The following ST6GALNAC3 variants were observed in gnomAD, a reference collection of about 807,000 sequenced individuals.
The protein encoded by ST6GALNAC3 is ST6 N-acetylgalactosaminide alpha-2,6-sialyltransferase 3, also known as alpha-N-acetylgalactosaminide alpha-2,6-sialyltransferase 3.
Under a neutral mutation model 32.7 loss-of-function variants are expected in ST6GALNAC3, and 25 were observed. That is an observed-to-expected ratio of 0.76 (90% CI 0.56 to 1.07). ST6GALNAC3 has a LOEUF of 1.07. ST6GALNAC3 is among the 50% of genes least tolerant of loss of function. The pLI, the probability that ST6GALNAC3 is intolerant of heterozygous loss-of-function variation, is 0.00. For missense variants in ST6GALNAC3, 355 were observed against 382.4 expected (o/e 0.93, Z 0.60); for synonymous variants, 129 against 133.1 (o/e 0.97, Z 0.21).
chr1:76,362,821 G>A (rs1020464727), intron 2 of ST6GALNAC3, among the ~76,000 whole-genome samples: 1 of 152,208 alleles, frequency 6.6e-6, no homozygotes, highest in African/African-American at 2.4e-5. Context: ...GCTTTGCAGG[G>A]TTCAGCCCCC....
In ST6GALNAC3 at chr1:76,105,012, G is replaced by A. The variant is rs1425815570; in HGVS notation, c.18+30128G>A. Among the ~76,000 whole-genome samples, 2 of 152,150 alleles carry A rather than the reference G, an allele frequency of 1.3e-5. 1 individual carries two copies. The highest frequency in any genetic ancestry group is 3.8e-4 in the East Asian group (2 of 5,200). ...ACGTGGGAATTCAAGATGAGATTTG[G>A]TGGGGAAACAGCCAAATCATATCAA... On this transcript the variant is annotated intron_variant, in intron 1 of 4. Coordinates refer to ENST00000328299, the MANE Select transcript of ST6GALNAC3 (RefSeq NM_152996.4).
chr1:76,451,160 A>T (rs1052596694), intron 3 of ST6GALNAC3, among the ~76,000 whole-genome samples: 4 of 152,136 alleles, frequency 2.6e-5, no homozygotes, highest in Non-Finnish European at 5.9e-5. Context: ...TTTTCACAAT[A>T]TTGATTCTAC....
At chr1:76,207,690 C>T (rs558734183) in intron 1 of ST6GALNAC3, among the ~76,000 whole-genome samples, 12 of 152,252 alleles carry the variant, frequency 7.9e-5, no homozygotes, top group East Asian at 1.9e-4. Flanking sequence ...TTAAAGGCCC[C>T]GTTACTTAAT....
In ST6GALNAC3 at chr1:76,628,983, A is replaced by C. The variant is rs903545673; in HGVS notation, c.*177A>C. ...GCTAGTAATTTAAACTTGGCATTTC[A>C]TGGAGGATGGTTGTGCTCATGATGT... On this transcript the variant is annotated 3_prime_UTR_variant, in exon 5 of 5. Transcript: ENST00000328299. The C allele has an allele frequency of 2.8e-6, 4 of 1,407,806 alleles. No homozygotes were observed. In the African/African-American group the frequency reaches 5.9e-5, roughly 21 times the overall value. 87.2% of individuals were successfully genotyped at this position (1,407,806 alleles called of 1,614,324 possible). A position where few individuals can be genotyped will look rare whatever the true frequency, so the allele number is the denominator to read the frequency against.
At chr1:76,248,068 C>T (rs1657408954) in intron 1 of ST6GALNAC3, among the ~76,000 whole-genome samples, 2 of 152,058 alleles carry the variant, frequency 1.3e-5, no homozygotes, top group Non-Finnish European at 2.9e-5. Context: ...CGAGGGAGGT[C>T]CTCTGGCTCC....
intron 1 of ST6GALNAC3, among the ~76,000 whole-genome samples, chr1:76,298,331 C>A (rs999521987): frequency 6.6e-5 from 10 of 151,938 alleles, no homozygotes; most frequent in Admixed American, 2.0e-4. Flanking sequence ...GAACAAGAAT[C>A]CTTACGATTG....
At chr1:76,228,627 T>C (rs1258120558) in intron 1 of ST6GALNAC3, among the ~76,000 whole-genome samples, 2 of 152,164 alleles carry the variant, frequency 1.3e-5, no homozygotes. Context: ...GAGGAACTAT[T>C]ATGCCAGTCT....
At chr1:76,075,146 G>T (rs1646796204) in intron 1 of ST6GALNAC3, among the ~76,000 whole-genome samples, 3 of 152,230 alleles carry the variant, frequency 2.0e-5, no homozygotes, top group Admixed American at 2.0e-4. Flanking sequence ...GGGAGAGCAG[G>T]GCTGTGTGCC....
chr1:76,189,186 A>G (rs1240763766), intron 1 of ST6GALNAC3, among the ~76,000 whole-genome samples: 1 of 152,202 alleles, frequency 6.6e-6, no homozygotes, highest in Non-Finnish European at 1.5e-5. Context: ...GCAGGGCTGT[A>G]TGGTCTCACA....
intron 3 of ST6GALNAC3, among the ~76,000 whole-genome samples, chr1:76,602,109 A>G (rs1647262694): frequency 6.6e-6 from 1 of 152,152 alleles, no homozygotes; most frequent in African/African-American, 2.4e-5. Context: ...ATGGGACTTC[A>G]AGAATAAAGA....
chr1:76,273,941 G>A lies in ST6GALNAC3; in HGVS notation c.19-39864G>A, dbSNP rs147091092. ...AAAAATCTCACTGCTTCATCCAGTG[G>A]TAACATGTTTTATGGCCCACAGGTG... On this transcript the variant is annotated intron_variant, in intron 1 of 4. Coordinates refer to ENST00000328299, the MANE Select transcript of ST6GALNAC3 (RefSeq NM_152996.4). 3.2e-3 allele frequency among the ~76,000 whole-genome samples: 481 copies of A among 152,212 alleles called. 3 individuals carry two copies. Among genetic ancestry groups the A allele is most frequent in the African/African-American group, 0.011 (450 of 41,524 alleles).
rs907961665 is a variant in ST6GALNAC3, at chr1:76,283,940, T to A, written c.19-29865T>A. Among the ~76,000 whole-genome samples, 5 of 152,218 alleles carry A rather than the reference T, an allele frequency of 3.3e-5. No individual in the cohort carries two copies. In the East Asian group the frequency reaches 9.6e-4, roughly 29 times the overall value. ...CTAACTTAGTGACATCATGTGACCA[T>A]GTATAAGGGAACCTTTATCATTATG... On this transcript the variant is annotated intron_variant, in intron 1 of 4. Coordinates refer to ENST00000328299, the MANE Select transcript of ST6GALNAC3 (RefSeq NM_152996.4).
intron 3 of ST6GALNAC3, among the ~76,000 whole-genome samples, chr1:76,573,087 T>TGAG (rs1646736823): frequency 6.6e-6 from 1 of 152,036 alleles, no homozygotes. Context: ...CATGGGGAAA[T>TGAG]AGGCTTAATC....
intron 1 of ST6GALNAC3, among the ~76,000 whole-genome samples, chr1:76,245,208 G>A (rs1172531326): frequency 2.0e-5 from 3 of 152,144 alleles, no homozygotes; most frequent in Non-Finnish European, 2.9e-5. Context: ...AGATTTTCTA[G>A]TTTATTTGTA....
intron 2 of ST6GALNAC3, among the ~76,000 whole-genome samples, chr1:76,397,243 TA>T (rs1653036506): frequency 6.6e-6 from 1 of 152,150 alleles, no homozygotes; most frequent in African/African-American, 2.4e-5. Flanking sequence ...CACAAGATCT[TA>T]GACCTGAAAT....
intron 1 of ST6GALNAC3, among the ~76,000 whole-genome samples, chr1:76,209,998 T>G (rs1459495620): frequency 6.6e-6 from 1 of 152,170 alleles, no homozygotes; most frequent in African/African-American, 2.4e-5. Context: ...CCAACTAGTT[T>G]GGTTGGTCAG....
At chr1:76,302,409 C>A (rs1660779725) in intron 1 of ST6GALNAC3, among the ~76,000 whole-genome samples, 1 of 151,948 alleles carries the variant, frequency 6.6e-6, no homozygotes, top group Non-Finnish European at 1.5e-5. Flanking sequence ...CTTGCTGTGC[C>A]TTTCTGAATG....
chr1:76,137,721 G>C (rs181984099), intron 1 of ST6GALNAC3, among the ~76,000 whole-genome samples: 6 of 152,296 alleles, frequency 3.9e-5, no homozygotes, highest in Non-Finnish European at 8.8e-5. Context: ...ATTGCTAGGG[G>C]CTTTAAGATG....
intron 1 of ST6GALNAC3, among the ~76,000 whole-genome samples, chr1:76,180,201 T>C (rs972007610): frequency 6.6e-6 from 1 of 152,210 alleles, no homozygotes; most frequent in African/African-American, 2.4e-5. Context: ...GTATTATTAG[T>C]AAATCTGAGT....
Sources: allele counts gnomAD v4.1 joint callset (sites outside exome capture counted in the v4.1 genomes callset), GRCh38; gene constraint gnomAD v4.1.1; transcripts MANE v1.5; gene names NCBI Gene and HGNC (gene_info 2026-07-23, HGNC 2026-07-21).